Variants in PCDHA1 observed in about 807,000 individuals in gnomAD.
PCDHA1 encodes the protein protocadherin alpha 1.
A neutral mutation model predicts 61.3 loss-of-function variants in PCDHA1; 42 were observed. The observed-to-expected ratio is 0.69, with a 90% CI of 0.54 to 0.89. The LOEUF (loss-of-function observed/expected upper bound fraction) is 0.89. PCDHA1 is among the 40% of genes least tolerant of loss of function. The pLI, the probability that PCDHA1 is intolerant of heterozygous loss-of-function variation, is 0.00. For missense variants in PCDHA1, 1,256 were observed against 1,235.3 expected (o/e 1.02, Z -0.25); for synonymous variants, 610 against 553.8 (o/e 1.10, Z -1.43).
intron 1 of PCDHA1, chr5:140,928,999 G>C: frequency 1.2e-6 from 2 of 1,613,936 alleles, no homozygotes; most frequent in Non-Finnish European, 1.7e-6. Context: ...ACTTTTCTTC[G>C]TGTGTACCAA....
At chr5:140,799,684 C>T (rs565147277) in intron 1 of PCDHA1, among the ~76,000 whole-genome samples, 1 of 151,928 alleles carries the variant, frequency 6.6e-6, no homozygotes, top group Admixed American at 6.6e-5. Flanking sequence ...TTATCCTATT[C>T]TAAATATGAA....
chr5:140,836,534 G>T (rs1774544367), intron 1 of PCDHA1: 1 of 1,613,844 alleles, frequency 6.2e-7, no homozygotes, highest in Non-Finnish European at 8.5e-7. Flanking sequence ...CCCTGCTGCT[G>T]TACACGGCGT....
chr5:140,809,162 C>G (rs782482719), intron 1 of PCDHA1: 1 of 1,614,004 alleles, frequency 6.2e-7, no homozygotes. Flanking sequence ...CGAGCCCGCG[C>G]TGACGGCCAC....
In PCDHA1 at chr5:140,926,973, G is replaced by T. The variant is rs369317394; in HGVS notation, c.2395-51976G>T. 5.0e-6 allele frequency: 8 copies of T among 1,609,646 alleles called. No homozygotes were observed. The African/African-American group carries it at 1.1e-4, about 21-fold the overall frequency. On this transcript the variant is annotated intron_variant, in intron 1 of 3. Transcript: ENST00000504120. ...CGGGACAGCTCGAGTACTCAGTGCC[G>T]GAGGAGACGGAGCGGGGCGTAGCCG...
chr5:140,789,492 AC>A (rs1761534057), intron 1 of PCDHA1, among the ~76,000 whole-genome samples: 1 of 152,096 alleles, frequency 6.6e-6, no homozygotes, highest in African/African-American at 2.4e-5. Flanking sequence ...AACCAAACAA[AC>A]AAAAAACACC....
At chr5:140,888,624 C>T (rs2061910720) in intron 1 of PCDHA1, among the ~76,000 whole-genome samples, 1 of 152,198 alleles carries the variant, frequency 6.6e-6, no homozygotes, top group Non-Finnish European at 1.5e-5. Flanking sequence ...CTAATTCGGC[C>T]TTCTATTACA....
chr5:140,793,565 C>A (rs1761789308), intron 1 of PCDHA1, among the ~76,000 whole-genome samples: 1 of 152,192 alleles, frequency 6.6e-6, no homozygotes, highest in Non-Finnish European at 1.5e-5. Context: ...TTTTACTTCT[C>A]TCTTTGCTCT....
intron 1 of PCDHA1, among the ~76,000 whole-genome samples, chr5:140,790,129 A>G (rs1761569088): frequency 6.6e-6 from 1 of 152,226 alleles, no homozygotes; most frequent in South Asian, 2.1e-4. Context: ...GAGAGAAAAA[A>G]TAGCCTCTTC....
chr5:140,910,183 A>C (rs2074920018), intron 1 of PCDHA1, among the ~76,000 whole-genome samples: 1 of 152,238 alleles, frequency 6.6e-6, no homozygotes, highest in Non-Finnish European at 1.5e-5. Context: ...TTTATAATTC[A>C]AATTAGTCTT....
Position 140,982,562 on chromosome 5 carries a change from A to C in PCDHA1, c.2541A>C (p.Pro847=). ...QQWPTVSSAT[P]EPEAGEVSPP... ...GGCCAACAGTATCCAGTGCAACACCAGGTAAAGAGCTGGGGTCTCTCCATT... is the reference window on the plus strand; with the variant it reads ...GGCCAACAGTATCCAGTGCAACACCCGGTAAAGAGCTGGGGTCTCTCCATT... Residue 847 remains proline, a splice_region_variant and synonymous_variant, in exon 3 of 4, where the codon CCA becomes CCC. Coordinates refer to ENST00000504120, the MANE Select transcript of PCDHA1 (RefSeq NM_018900.4). 3 of 1,614,062 alleles carry C rather than the reference A, an allele frequency of 1.9e-6. No individual in the cohort carries two copies. The highest frequency in any genetic ancestry group is 2.5e-6 in the Non-Finnish European group (3 of 1,179,936).
At chr5:140,965,039 C>G (rs1237802301) in intron 1 of PCDHA1, among the ~76,000 whole-genome samples, 6 of 152,236 alleles carry the variant, frequency 3.9e-5, no homozygotes, top group African/African-American at 1.2e-4. Context: ...ACTGTCCGCT[C>G]TAGGAGGGAA....
intron 1 of PCDHA1, among the ~76,000 whole-genome samples, chr5:140,790,134 C>T (rs1478043253): frequency 6.6e-6 from 1 of 152,118 alleles, no homozygotes; most frequent in Non-Finnish European, 1.5e-5. Context: ...AAAAAATAGC[C>T]TCTTCCTGCT....
chr5:140,834,687 T>C, intron 1 of PCDHA1: 2 of 1,614,150 alleles, frequency 1.2e-6, no homozygotes, highest in Non-Finnish European at 1.7e-6. Flanking sequence ...GAGCGCGGAG[T>C]GCAGCATCCA....
At chr5:141,007,535 T>C (rs1588169762) in intron 3 of PCDHA1, among the ~76,000 whole-genome samples, 1 of 152,050 alleles carries the variant, frequency 6.6e-6, no homozygotes, top group South Asian at 2.1e-4. Context: ...GCCACTGCAC[T>C]CCAGCTTGGG....
At chr5:140,952,621 T>C (rs1002649302) in intron 1 of PCDHA1, among the ~76,000 whole-genome samples, 3 of 152,168 alleles carry the variant, frequency 2.0e-5, no homozygotes, top group Admixed American at 2.0e-4. Context: ...TCATCTTCCC[T>C]CCACACTATT....
rs17844287 is a variant in PCDHA1, at chr5:140,821,857, G to T, written c.2394+33173G>T. The T allele has an allele frequency of 9.3e-5, 150 of 1,614,186 alleles. No individual in the cohort carries two copies. The East Asian group carries it at 3.3e-3, about 35-fold the overall frequency. ...CCTTGCCTACTGGAAGGCAGGGAGC[G>T]GCCAGCTCCACTACTCGATCCCGGA... is the stretch of plus-strand genomic sequence containing the variant. On this transcript the variant is annotated intron_variant, in intron 1 of 3. Transcript: ENST00000504120.
intron 1 of PCDHA1, among the ~76,000 whole-genome samples, chr5:140,943,763 G>T (rs2093562574): frequency 6.6e-6 from 1 of 152,122 alleles, no homozygotes; most frequent in Admixed American, 6.5e-5. Context: ...GGAGATGTAG[G>T]AAAAAAACTA....
At chr5:140,996,275 C>T (rs534624070) in intron 3 of PCDHA1, among the ~76,000 whole-genome samples, 43 of 152,224 alleles carry the variant, frequency 2.8e-4, no homozygotes, top group African/African-American at 8.7e-4. Flanking sequence ...GGGATTGCTG[C>T]CAAATTTCAA....
At chr5:140,871,649 G>T (rs781859029) in intron 1 of PCDHA1, 1 of 1,265,824 alleles carries the variant, frequency 7.9e-7, no homozygotes, top group Admixed American at 2.9e-5. Flanking sequence ...AATACCAAAT[G>T]ATACACATCT....
Sources: gnomAD v4.1 joint callset for allele counts (sites outside exome capture counted in the v4.1 genomes callset) on GRCh38, gnomAD v4.1.1 for gene constraint, MANE v1.5 for transcripts, NCBI Gene and HGNC (gene_info 2026-07-23, HGNC 2026-07-21) for gene names.